Variants in ATP6V0A2 observed in about 807,000 individuals in gnomAD.
ATP6V0A2 encodes the protein V-type proton ATPase 116 kDa subunit a 2.
ATP6V0A2 carries 58 observed loss-of-function variants against 104.4 expected under a neutral mutation model. The ratio of observed to expected loss-of-function variants is 0.56; its 90% CI spans 0.45 to 0.69. ATP6V0A2 has a LOEUF of 0.69. Ranked by LOEUF, ATP6V0A2 falls within the 30% of genes least tolerant of loss-of-function variation. The pLI is 0.00. For synonymous variants in ATP6V0A2, 376 were observed against 397.9 expected (o/e 0.95, Z 0.65); for missense variants, 938 against 1,062.9 (o/e 0.88, Z 1.63).
At chr12:123,735,459 G>T (rs1956543128) in intron 7 of ATP6V0A2, 72 bp from the exon 8 acceptor site, 1 of 1,404,940 alleles carries the variant, frequency 7.1e-7, no homozygotes, top group Non-Finnish European at 1.0e-6. Flanking sequence ...GCCAGAAGAT[G>T]TGCCGGGGAG....
chr12:123,752,380 G>A lies in ATP6V0A2; in HGVS notation c.2153G>A (p.Cys718Tyr), dbSNP rs1956724578. The A allele has an allele frequency of 6.2e-7, 1 of 1,614,126 alleles. No individual in the cohort carries two copies. The change falls in exon 17 of 20, where the codon TGT becomes TAT. Residue 718 changes from cysteine (C) to tyrosine (Y), a missense_variant. Cys to Tyr is a radical substitution (Grantham distance 194). Coordinates refer to ENST00000330342, the MANE Select transcript of ATP6V0A2 (RefSeq NM_012463.4). ...GGAAATCACCAGGTGGAAGATGGAT[G>A]TAGAGAAATGGCGTGTGAAGAGGTA... is the stretch of plus-strand genomic sequence containing the variant. ...EEGNHQVEDG[C>Y]REMACEEFNF... is the part of the protein sequence containing the mutation.
chr12:123,730,371 A>G (rs564660428), intron 6 of ATP6V0A2, among the ~76,000 whole-genome samples: 1 of 148,920 alleles, frequency 6.7e-6, no homozygotes, highest in African/African-American at 2.5e-5. Flanking sequence ...TAGGTCTTGA[A>G]CTCCTGACCT....
At position 123,726,140 on chromosome 12, in the gene ATP6V0A2, G is replaced by A; in HGVS notation, c.433-57G>A. The stretch of plus-strand genomic sequence containing the variant: ...ATAAACTTGTTTGAAAATTTGACAT[G>A]AGAAATAAAGTGTCACTTTTAATGA... On this transcript the variant is annotated intron_variant, in intron 4 of 19. Coordinates refer to ENST00000330342, the MANE Select transcript of ATP6V0A2 (RefSeq NM_012463.4). 5.1e-6 allele frequency: 7 copies of A among 1,369,334 alleles called. No homozygotes were observed. In the South Asian group the frequency reaches 8.2e-5, roughly 16 times the overall value. The allele number at this position is 1,369,334 out of a possible 1,614,324, so 84.8% of individuals were successfully genotyped here. A position where few individuals can be genotyped will look rare whatever the true frequency, so the allele number is the denominator to read the frequency against.
At chr12:123,748,423 T>C in intron 14 of ATP6V0A2, 152 bp from the exon 15 acceptor site, 1 of 726,582 alleles carries the variant, frequency 1.4e-6, no homozygotes, top group Admixed American at 2.1e-5. Flanking sequence ...CTCGTAGATG[T>C]ATCTGGACAC....
Position 123,759,429 on chromosome 12 carries a change from CTTTAG to C in ATP6V0A2, c.*1402_*1406del, listed in dbSNP as rs1035395769. 11 of 152,144 alleles carry C rather than the reference CTTTAG, an allele frequency of 7.2e-5. No individual in the cohort carries two copies. The highest frequency in any genetic ancestry group is 2.2e-4 in the African/African-American group (9 of 41,434). The allele number at this position is 152,144 out of a possible 1,614,324, so 9.4% of individuals were successfully genotyped here. Reference sequence around the variant, plus strand: ...TTCTTAATAGCCATTGTTTTATAATCTTTAGTTTAAATTCATCTGTTTGACATTTG... The same window carrying C: ...TTCTTAATAGCCATTGTTTTATAATCTTTAAATTCATCTGTTTGACATTTG... On this transcript the variant is annotated 3_prime_UTR_variant, in exon 20 of 20. Transcript: ENST00000330342.
intron 15 of ATP6V0A2, 50 bp downstream of exon 15, chr12:123,748,835 T>G: frequency 6.5e-7 from 1 of 1,530,878 alleles, no homozygotes; most frequent in Non-Finnish European, 9.0e-7. Context: ...TTCCCAATAG[T>G]CTTTTATTCT....
intron 3 of ATP6V0A2, 49 bp downstream of exon 3, chr12:123,722,497 GCTTA>G (rs1956409765): frequency 1.9e-6 from 2 of 1,055,078 alleles, no homozygotes; most frequent in Non-Finnish European, 3.0e-6. Context: ...CTTGGGGGCT[GCTTA>G]CTTACTTATT....
intron 9 of ATP6V0A2, among the ~76,000 whole-genome samples, chr12:123,740,331 A>G (rs1956597169): frequency 1.3e-5 from 2 of 152,040 alleles, no homozygotes; most frequent in African/African-American, 4.8e-5. Flanking sequence ...CAGCCTCCCA[A>G]GTAGCTGGGA....
Position 123,752,350 on chromosome 12 carries a change from A to G in ATP6V0A2, c.2123A>G (p.Glu708Gly), listed in dbSNP as rs1015030602. The G allele has an allele frequency of 6.2e-7, 1 of 1,614,052 alleles. No homozygotes were observed. Among genetic ancestry groups the G allele is most frequent in the Non-Finnish European group, 8.5e-7 (1 of 1,180,018 alleles). Residue 708 changes from glutamate (E) to glycine (G), a missense_variant, in exon 17 of 20, where the codon GAA (glutamate) becomes GGA (glycine). Coordinates refer to ENST00000330342, the MANE Select transcript of ATP6V0A2 (RefSeq NM_012463.4). ...TCATTGCTGGGAAGCCAAGATATAG[A>G]AGAGGGAAATCACCAGGTGGAAGAT... Reference protein sequence around the residue: ...EVSLLGSQDIEEGNHQVEDGC... With the variant: ...EVSLLGSQDIGEGNHQVEDGC...
chr12:123,736,033 C>T (rs531577275), intron 8 of ATP6V0A2, among the ~76,000 whole-genome samples: 39 of 151,962 alleles, frequency 2.6e-4, no homozygotes, highest in African/African-American at 8.5e-4. Context: ...CCACCATGCC[C>T]GGCCAATTTT....
chr12:123,732,476 G>A (rs1267965064), intron 6 of ATP6V0A2: 3 of 152,484 alleles, frequency 2.0e-5, no homozygotes, highest in East Asian at 1.9e-4. Context: ...CCGCACAATG[G>A]GCCTGTGGCC....
At chr12:123,743,585 A>G (rs1375502696) in intron 9 of ATP6V0A2, among the ~76,000 whole-genome samples, 200 bp from the exon 10 acceptor site, 3 of 151,384 alleles carry the variant, frequency 2.0e-5, no homozygotes, top group Non-Finnish European at 4.4e-5. Flanking sequence ...CCTGGGAGGC[A>G]GAGGTTGCGG....
At chr12:123,745,032 G>T in intron 13 of ATP6V0A2, 60 bp downstream of exon 13, 2 of 1,524,328 alleles carry the variant, frequency 1.3e-6, no homozygotes. Context: ...CTAGCTTCGG[G>T]CGCCACGAGT....
intron 16 of ATP6V0A2, among the ~76,000 whole-genome samples, chr12:123,751,618 C>T (rs533443142): frequency 2.0e-5 from 3 of 152,056 alleles, no homozygotes; most frequent in Admixed American, 6.5e-5. Context: ...CACGCCACTG[C>T]ACTCCAGCCT....
At position 123,760,157 on chromosome 12, in the gene ATP6V0A2, T is replaced by C. The variant is rs534379609; in HGVS notation, c.*2125T>C. On this transcript the variant is annotated 3_prime_UTR_variant, in exon 20 of 20. Coordinates refer to ENST00000330342, the MANE Select transcript of ATP6V0A2 (RefSeq NM_012463.4). ...TGATTGGTAAATAAGGGACACGATA[T>C]TCACGGGAATTGTTTACTGCTCCCC... The C allele has an allele frequency of 2.6e-5, 4 of 152,100 alleles. No individual in the cohort carries two copies. Among genetic ancestry groups the C allele is most frequent in the African/African-American group, 9.7e-5 (4 of 41,348 alleles). 9.4% of individuals were successfully genotyped at this position (152,100 alleles called of 1,614,324 possible).
Position 123,724,805 on chromosome 12 carries a change from C to T in ATP6V0A2, c.432+14C>T, listed in dbSNP as rs11837144. On this transcript the variant is annotated intron_variant, in intron 4 of 19. Coordinates refer to ENST00000330342, the MANE Select transcript of ATP6V0A2 (RefSeq NM_012463.4). ...CGCAATGTTGAGGTACTGAACAGCTCGTGAGGAAATACAGCTGTTTTTATA... is the reference window on the plus strand; with the variant it reads ...CGCAATGTTGAGGTACTGAACAGCTTGTGAGGAAATACAGCTGTTTTTATA... 1,022,480 of 1,606,302 alleles carry T rather than the reference C, an allele frequency of 0.64. 330,060 individuals are homozygous for T. Among genetic ancestry groups the T allele is most frequent in the East Asian group, 0.95 (42,742 of 44,806 alleles).
intron 9 of ATP6V0A2, among the ~76,000 whole-genome samples, chr12:123,741,891 T>A (rs1956612892): frequency 6.6e-6 from 1 of 152,238 alleles, no homozygotes; most frequent in African/African-American, 2.4e-5. Flanking sequence ...ATAGCGATCC[T>A]AACCTCACTG....
chr12:123,736,755 A>G (rs1956557961), intron 8 of ATP6V0A2, among the ~76,000 whole-genome samples: 1 of 152,146 alleles, frequency 6.6e-6, no homozygotes, highest in African/African-American at 2.4e-5. Flanking sequence ...CTGGTAGGCC[A>G]TCACGCTGCC....
intron 1 of ATP6V0A2, among the ~76,000 whole-genome samples, chr12:123,715,182 T>A (rs1956328399): frequency 6.6e-6 from 1 of 152,240 alleles, no homozygotes; most frequent in Non-Finnish European, 1.5e-5. Flanking sequence ...AAATAAAGAT[T>A]CTACTATTTG....
Sources: gnomAD v4.1 joint callset for allele counts (sites outside exome capture counted in the v4.1 genomes callset) on GRCh38, gnomAD v4.1.1 for gene constraint, MANE v1.5 for transcripts, NCBI Gene and HGNC (gene_info 2026-07-23, HGNC 2026-07-21) for gene names.